The following ZNG1C variants were observed in gnomAD, a reference collection of about 807,000 sequenced individuals.
ZNG1C encodes the protein Zn regulated GTPase metalloprotein activator 1C.
At chr9:68,274,276 T>G in the ZNG1C span, 2 of 149,400 alleles carry the variant, frequency 1.3e-5, no homozygotes, top group Admixed American at 1.3e-4. Flanking sequence ...ATTTGAATCA[T>G]TGGATTCAAT....
chr9:68,275,432 G>A, the ZNG1C span, among the ~76,000 whole-genome samples: 18 of 148,548 alleles, frequency 1.2e-4, no homozygotes, highest in Non-Finnish European at 1.5e-4. Flanking sequence ...CCACTAACTC[G>A]TCATCTAGCA....
chr9:68,257,473 C>G, the ZNG1C span, among the ~76,000 whole-genome samples: 1 of 44,398 alleles, frequency 2.3e-5, no homozygotes, highest in East Asian at 2.6e-4. Flanking sequence ...GATTAAAAAA[C>G]CCCAAACAGT....
At chr9:68,257,390 T>C in the ZNG1C span, among the ~76,000 whole-genome samples, 6 of 102,734 alleles carry the variant, frequency 5.8e-5, no homozygotes, top group African/African-American at 2.0e-4. Context: ...TGTTCATTCA[T>C]ATTATAACTT....
the ZNG1C span, among the ~76,000 whole-genome samples, chr9:68,288,410 G>A: frequency 1.3e-5 from 2 of 152,398 alleles, no homozygotes; most frequent in South Asian, 4.1e-4. Context: ...CATAAAGCAT[G>A]CAAATGTGTA....
chr9:68,269,568 T>A, the ZNG1C span: 1 of 937,752 alleles, frequency 1.1e-6, no homozygotes, highest in African/African-American at 2.6e-5. Context: ...TTTTTTTTTT[T>A]TTTTTTTTTT....
At chr9:68,249,155 C>T in the ZNG1C span, 212 of 512,952 alleles carry the variant, frequency 4.1e-4, no homozygotes, top group African/African-American at 3.7e-3. Context: ...TTTGTAAGAA[C>T]AGAAGTTGTT....
chr9:68,259,759 C>T, the ZNG1C span, among the ~76,000 whole-genome samples: 1 of 152,182 alleles, frequency 6.6e-6, no homozygotes, highest in South Asian at 2.1e-4. Flanking sequence ...GATCCACTTG[C>T]CTCGGCCTCC....
the ZNG1C span, chr9:68,299,233 C>T: frequency 6.4e-7 from 1 of 1,566,574 alleles, no homozygotes; most frequent in Non-Finnish European, 8.6e-7. Flanking sequence ...TCATCTTTGT[C>T]ACATTACAAC....
the ZNG1C span, chr9:68,257,028 G>GGTTTTTTTTTTT: frequency 2.4e-5 from 2 of 82,234 alleles, 1 homozygote; most frequent in Admixed American, 6.8e-4. Context: ...TTTTTTTTTT[G>GGTTTTTTTTTTT]TTTTTTTTTT....
the ZNG1C span, among the ~76,000 whole-genome samples, chr9:68,268,500 T>C: frequency 6.6e-6 from 1 of 151,226 alleles, no homozygotes; most frequent in African/African-American, 2.4e-5. Flanking sequence ...AACTTACAAC[T>C]AGGTTTTTAT....
At chr9:68,267,153 A>G in the ZNG1C span, among the ~76,000 whole-genome samples, 34 of 152,290 alleles carry the variant, frequency 2.2e-4, no homozygotes, top group African/African-American at 8.0e-4. Context: ...TGATGGCTCA[A>G]AATTACTATT....
At chr9:68,281,565 A>G in the ZNG1C span, among the ~76,000 whole-genome samples, 6 of 97,090 alleles carry the variant, frequency 6.2e-5, no homozygotes, top group Admixed American at 2.2e-4. Context: ...TAGGCATGAG[A>G]ATGTGCAGCA....
the ZNG1C span, chr9:68,299,669 TTTAG>T: frequency 1.9e-6 from 1 of 521,810 alleles, no homozygotes; most frequent in African/African-American, 2.0e-5. Context: ...TATTTATTAC[TTTAG>T]TTACGAATTC....
chr9:68,244,380 A>AAATAT, the ZNG1C span, among the ~76,000 whole-genome samples: 1 of 66,166 alleles, frequency 1.5e-5, no homozygotes, highest in Non-Finnish European at 3.2e-5. Flanking sequence ...AAAGTACTCT[A>AAATAT]AATATAAGCC....
At chr9:68,287,634 T>G in the ZNG1C span, among the ~76,000 whole-genome samples, 12 of 152,308 alleles carry the variant, frequency 7.9e-5, no homozygotes, top group African/African-American at 2.9e-4. Context: ...CCTATTGCCC[T>G]TGGTGTAGTG....
the ZNG1C span, among the ~76,000 whole-genome samples, chr9:68,288,418 G>C: frequency 6.6e-6 from 1 of 152,282 alleles, no homozygotes; most frequent in Admixed American, 6.5e-5. Flanking sequence ...ATGCAAATGT[G>C]TAATTTTAGT....
the ZNG1C span, among the ~76,000 whole-genome samples, chr9:68,281,198 C>T: frequency 5.9e-5 from 9 of 152,178 alleles, no homozygotes; most frequent in East Asian, 1.9e-4. Context: ...CTTTGGCTCG[C>T]GGATGGAGCA....
the ZNG1C span, among the ~76,000 whole-genome samples, chr9:68,288,522 G>A: frequency 6.6e-6 from 1 of 151,426 alleles, no homozygotes; most frequent in Non-Finnish European, 1.5e-5. Context: ...ACCCAGGCTG[G>A]AGTGCAGTGG....
At chr9:68,247,181 AGCAGTTT>A in the ZNG1C span, among the ~76,000 whole-genome samples, 2 of 152,236 alleles carry the variant, frequency 1.3e-5, no homozygotes, top group Non-Finnish European at 2.9e-5. Flanking sequence ...GGGAATATTC[AGCAGTTT>A]GTCTAACAGA....
Sources: allele counts gnomAD v4.1 joint callset (sites outside exome capture counted in the v4.1 genomes callset), GRCh38; gene constraint gnomAD v4.1.1; transcripts MANE v1.5; gene names NCBI Gene and HGNC (gene_info 2026-07-23, HGNC 2026-07-21).